The following PCM1 variants were observed in gnomAD, a reference collection of about 807,000 sequenced individuals.
PCM1 encodes the protein pericentriolar material 1 protein.
Under a neutral mutation model 241.9 loss-of-function variants are expected in PCM1, and 157 were observed. The ratio of observed to expected loss-of-function variants is 0.65; its 90% CI spans 0.57 to 0.74. The LOEUF (loss-of-function observed/expected upper bound fraction) is 0.74, where lower values mean the gene tolerates loss of function less well. PCM1 is among the 30% of genes least tolerant of loss of function. PCM1 has a pLI of 0.00. For synonymous variants in PCM1, 1,085 were observed against 784.9 expected, an observed-to-expected ratio of 1.38 and a Z score of -6.39; for missense variants, 3,478 against 2,360.1, an observed-to-expected ratio of 1.47 and a Z score of -9.81.
At chr8:17,964,508 G>C in intron 17 of PCM1, 60 bp from the exon 18 acceptor site, 1 of 1,260,336 alleles carries the variant, frequency 7.9e-7, no homozygotes, top group Non-Finnish European at 1.1e-6. Context: ...CACATAGTAG[G>C]TGGCAGAGTA....
At chr8:18,008,834 A>G (rs2091978341) in intron 30 of PCM1, among the ~76,000 whole-genome samples, 1 of 152,172 alleles carries the variant, frequency 6.6e-6, no homozygotes, top group African/African-American at 2.4e-5. Flanking sequence ...ACAGAACAAG[A>G]ACAGTGAGGA....
chr8:17,966,277 A>G lies in PCM1; in HGVS notation c.3076-51A>G, dbSNP rs938870458. The G allele has an allele frequency of 6.8e-6, 11 of 1,608,042 alleles. No homozygotes were observed. The Admixed American group carries it at 1.8e-4, about 27-fold the overall frequency. ...ATTTTTATAACTTCTGAAGCAATAC[A>G]AATTTTTCTCAAGTCATCAGTAACT... On this transcript the variant is annotated intron_variant, in intron 19 of 38. Transcript: ENST00000325083.
At chr8:18,026,555 A>T (rs940757228) in intron 38 of PCM1, among the ~76,000 whole-genome samples, 2 of 152,008 alleles carry the variant, frequency 1.3e-5, no homozygotes, top group African/African-American at 4.8e-5. Flanking sequence ...CACCATGCCC[A>T]GCCCAAAAAC....
chr8:17,924,107 C>T (rs554270521), intron 1 of PCM1, among the ~76,000 whole-genome samples: 1 of 152,202 alleles, frequency 6.6e-6, no homozygotes, highest in African/African-American at 2.4e-5. Flanking sequence ...CCTACCACCC[C>T]CGCCCCATAA....
chr8:17,983,154 C>G, intron 24 of PCM1: 1 of 566,056 alleles, frequency 1.8e-6, no homozygotes, highest in South Asian at 2.4e-5. Flanking sequence ...TTTTTTCATT[C>G]ACTTATTCAT....
At chr8:17,987,819 C>T (rs2083123352) in intron 26 of PCM1, among the ~76,000 whole-genome samples, 1 of 151,836 alleles carries the variant, frequency 6.6e-6, no homozygotes, top group Admixed American at 6.6e-5. Context: ...CCATTAGCTA[C>T]ATGTGGCTAG....
chr8:17,972,081 T>C (rs1410303964), intron 22 of PCM1, among the ~76,000 whole-genome samples: 1 of 152,206 alleles, frequency 6.6e-6, no homozygotes, highest in Non-Finnish European at 1.5e-5. Context: ...TTGCTAATGC[T>C]AGATCTTTGA....
chr8:17,964,127 A>G (rs1587011511), intron 17 of PCM1, among the ~76,000 whole-genome samples: 1 of 152,176 alleles, frequency 6.6e-6, no homozygotes, highest in Non-Finnish European at 1.5e-5. Context: ...TTTCAATCAA[A>G]TGAAATTAAA....
In PCM1 at chr8:18,010,617, G is replaced by A. The variant is rs767018233; in HGVS notation, c.5169G>A (p.Arg1723=). The A allele has an allele frequency of 3.8e-6, 6 of 1,598,134 alleles. No homozygotes were observed. In the Admixed American group the frequency reaches 8.6e-5, roughly 23 times the overall value. The change falls in exon 32 of 39, where the codon AGG becomes AGA. Residue 1723 remains arginine (R), a synonymous_variant. Coordinates refer to ENST00000325083, the MANE Select transcript of PCM1 (RefSeq NM_006197.4). The part of the protein sequence containing the change: ...VIQSCAKEAK[R]ILEDHGSPAG... ...ATTGATTTGTTTTAAAGGCTAAAAG[G>A]ATTCTTGAAGATCATGGCTCACCTG... is the stretch of plus-strand genomic sequence containing the variant.
chr8:17,958,094 T>C (rs569033669), intron 13 of PCM1, among the ~76,000 whole-genome samples: 26 of 152,292 alleles, frequency 1.7e-4, no homozygotes, highest in South Asian at 6.2e-4. Context: ...ATAAACAATA[T>C]AGCTGTTTTT....
chr8:17,967,091 T>C lies in PCM1; in HGVS notation c.3333T>C (p.Phe1111=). 6.2e-7 allele frequency: 1 copy of C among 1,608,614 alleles called. No homozygotes were observed. Among genetic ancestry groups the C allele is most frequent in the Admixed American group, 1.7e-5 (1 of 59,240 alleles). The change falls in exon 21 of 39, where the codon TTT becomes TTC. Residue 1111 remains phenylalanine (F), a synonymous_variant. Transcript: ENST00000325083. ...CGCACCCTCCTTCTCCCAGTTTATTTTGTCCTTTCAGCTTTCCAACACAGC... is the reference window on the plus strand; with the variant it reads ...CGCACCCTCCTTCTCCCAGTTTATTCTGTCCTTTCAGCTTTCCAACACAGC... The part of the protein sequence containing the change: ...SASHPPSPSL[F]CPFSFPTQPV...
At chr8:17,996,132 T>C (rs1226656583) in intron 29 of PCM1, among the ~76,000 whole-genome samples, 1 of 152,196 alleles carries the variant, frequency 6.6e-6, no homozygotes, top group Non-Finnish European at 1.5e-5. Context: ...AGGAATGGCT[T>C]TCAGTGTTTC....
At chr8:17,929,068 A>G (rs1037776038) in intron 2 of PCM1, among the ~76,000 whole-genome samples, 1 of 151,810 alleles carries the variant, frequency 6.6e-6, no homozygotes, top group African/African-American at 2.4e-5. Context: ...GACTTTCTTT[A>G]TTTTTTCCCT....
Position 17,938,747 on chromosome 8 carries a change from T to C in PCM1, c.350T>C (p.Ile117Thr), listed in dbSNP as rs2061175424. 6.2e-7 allele frequency: 1 copy of C among 1,609,228 alleles called. No homozygotes were observed. The highest frequency in any genetic ancestry group is 1.1e-5 in the South Asian group (1 of 90,990). Reference sequence around the variant, plus strand: ...TTTCTTTTTCATATATAGAGAAGCATTGGAAGTGATTCCCAAGGTAGAGCA... The same window carrying C: ...TTTCTTTTTCATATATAGAGAAGCACTGGAAGTGATTCCCAAGGTAGAGCA... Reference protein sequence around the residue: ...INFSDLDQRSIGSDSQGRATA... With the variant: ...INFSDLDQRSTGSDSQGRATA... Residue 117 changes from isoleucine (I) to threonine (T), a missense_variant, in exon 5 of 39, where the codon ATT (isoleucine) becomes ACT (threonine). By Grantham distance (89) the Ile-to-Thr change is moderately conservative. Transcript: ENST00000325083.
chr8:17,928,328 A>C (rs958008015), intron 2 of PCM1, among the ~76,000 whole-genome samples: 3 of 152,040 alleles, frequency 2.0e-5, no homozygotes, highest in African/African-American at 4.8e-5. Context: ...TCCATTCCCT[A>C]CTTTTCTACG....
chr8:17,996,508 A>G (rs947522661), intron 29 of PCM1, among the ~76,000 whole-genome samples: 3 of 151,988 alleles, frequency 2.0e-5, no homozygotes, highest in African/African-American at 7.2e-5. Context: ...AGTCTGGTTA[A>G]TGGTTTGCCA....
intron 31 of PCM1, 27 bp from the exon 32 acceptor site, chr8:18,010,582 A>ATTCTGTGTAATTGATTTGTTTT (rs1564363477): frequency 6.4e-7 from 1 of 1,552,044 alleles, no homozygotes; most frequent in Non-Finnish European, 8.8e-7. Flanking sequence ...ATGTTGCTAA[A>ATTCTGTGTAATTGATTTGTTTT]TTCTGTGTAA....
At chr8:17,950,940 A>G (rs1475157655) in intron 8 of PCM1, among the ~76,000 whole-genome samples, 1 of 152,224 alleles carries the variant, frequency 6.6e-6, no homozygotes, top group African/African-American at 2.4e-5. Flanking sequence ...TGGGGACTAT[A>G]CTTTAAGAAT....
chr8:17,964,631 T>A lies in PCM1; in HGVS notation c.2718T>A (p.Gly906=). The change falls in exon 18 of 39, where the codon GGT becomes GGA. Residue 906 remains glycine (G), a synonymous_variant. Transcript: ENST00000325083. ...TAGATGAAGAAGGAGATGAAGACGG[T>A]TACCTTTCTGAAGGAATTGTTCGGA... is the stretch of plus-strand genomic sequence containing the variant. The part of the protein sequence containing the change: ...CALDEEGDED[G]YLSEGIVRTD... 1 of 1,613,894 alleles carries A rather than the reference T, an allele frequency of 6.2e-7. No individual in the cohort carries two copies. Among genetic ancestry groups the A allele is most frequent in the Non-Finnish European group, 8.5e-7 (1 of 1,179,844 alleles).
Sources: gnomAD v4.1 joint callset for allele counts (sites outside exome capture counted in the v4.1 genomes callset) on GRCh38, gnomAD v4.1.1 for gene constraint, MANE v1.5 for transcripts, NCBI Gene and HGNC (gene_info 2026-07-23, HGNC 2026-07-21) for gene names.